The following FHIT variants were observed in gnomAD, a reference collection of about 807,000 sequenced individuals.
FHIT encodes fragile histidine triad diadenosine triphosphatase, also known as bis(5'-adenosyl)-triphosphatase.
FHIT carries 19 observed loss-of-function variants against 17.9 expected under a neutral mutation model. The observed-to-expected ratio is 1.06, with a 90% CI of 0.74 to 1.56. The LOEUF (loss-of-function observed/expected upper bound fraction) is 1.56. Among genes scored for constraint, FHIT ranks in the 40% most tolerant of loss-of-function variants. The pLI, the probability that FHIT is intolerant of heterozygous loss-of-function variation, is 0.00. For missense variants in FHIT, 248 were observed against 189.2 expected, an observed-to-expected ratio of 1.31 and a Z score of -1.82; for synonymous variants, 81 against 69.7, an observed-to-expected ratio of 1.16 and a Z score of -0.81.
At chr3:60,298,072 T>G (rs1196503681) in intron 5 of FHIT, among the ~76,000 whole-genome samples, 3 of 151,532 alleles carry the variant, frequency 2.0e-5, no homozygotes, top group African/African-American at 7.3e-5. Flanking sequence ...TGGGAAGGAG[T>G]GTAGACCTTC....
intron 1 of FHIT, among the ~76,000 whole-genome samples, chr3:61,214,319 G>A (rs999429502): frequency 1.2e-4 from 18 of 152,170 alleles, no homozygotes; most frequent in Admixed American, 1.2e-3. Flanking sequence ...AAATGATAAA[G>A]GGGATATCAC....
chr3:60,348,452 T>C (rs555144094), intron 5 of FHIT, among the ~76,000 whole-genome samples: 3 of 151,808 alleles, frequency 2.0e-5, no homozygotes, highest in Non-Finnish European at 4.4e-5. Flanking sequence ...GGTTTTTTTT[T>C]CACAAAGAAA....
chr3:60,623,788 G>A (rs1337751111), intron 4 of FHIT, among the ~76,000 whole-genome samples: 4 of 152,116 alleles, frequency 2.6e-5, no homozygotes, highest in African/African-American at 7.2e-5. Context: ...GGAACACACC[G>A]GTTAACCATC....
intron 3 of FHIT, among the ~76,000 whole-genome samples, chr3:60,938,524 G>A (rs1553773679): frequency 1.3e-5 from 2 of 152,180 alleles, no homozygotes; most frequent in Non-Finnish European, 2.9e-5. Flanking sequence ...ATGTCAGAAA[G>A]ACCAATACAT....
chr3:60,607,937 A>T (rs1302712822), intron 4 of FHIT, among the ~76,000 whole-genome samples: 2 of 152,088 alleles, frequency 1.3e-5, no homozygotes, highest in African/African-American at 4.8e-5. Flanking sequence ...CTTACCTAAT[A>T]CTCAAGCCCC....
chr3:60,654,592 A>AG (rs1559617087), intron 4 of FHIT, among the ~76,000 whole-genome samples: 1 of 152,210 alleles, frequency 6.6e-6, no homozygotes, highest in Non-Finnish European at 1.5e-5. Context: ...TAACTTTATA[A>AG]GAAAAACTTG....
At chr3:60,744,030 G>C (rs1280818488) in intron 4 of FHIT, among the ~76,000 whole-genome samples, 1 of 151,976 alleles carries the variant, frequency 6.6e-6, no homozygotes, top group African/African-American at 2.4e-5. Flanking sequence ...TCTGCCCCCA[G>C]GGGTCAGAAC....
At chr3:60,071,098 C>T (rs745864377) in intron 5 of FHIT, among the ~76,000 whole-genome samples, 5 of 152,166 alleles carry the variant, frequency 3.3e-5, no homozygotes, top group Non-Finnish European at 4.4e-5. Context: ...GCACTGTCTT[C>T]CTTGCTTGCC....
chr3:60,970,994 TA>T (rs1480104077), intron 3 of FHIT, among the ~76,000 whole-genome samples: 8 of 152,364 alleles, frequency 5.3e-5, no homozygotes, highest in Admixed American at 3.9e-4. Context: ...TTCTTATGAC[TA>T]TTTCTGTATG....
chr3:59,822,239 A>C (rs1700819074), intron 8 of FHIT, among the ~76,000 whole-genome samples: 1 of 152,164 alleles, frequency 6.6e-6, no homozygotes, highest in African/African-American at 2.4e-5. Context: ...GCAATTGTGA[A>C]TTGTGCTGCT....
chr3:60,383,885 G>C (rs1474365977), intron 5 of FHIT, among the ~76,000 whole-genome samples: 1 of 152,110 alleles, frequency 6.6e-6, no homozygotes, highest in East Asian at 1.9e-4. Flanking sequence ...TGTCAAAAAA[G>C]ACATATTAAT....
chr3:61,159,731 T>C (rs2037633725), intron 2 of FHIT, among the ~76,000 whole-genome samples: 1 of 152,230 alleles, frequency 6.6e-6, no homozygotes, highest in Non-Finnish European at 1.5e-5. Flanking sequence ...TTTTGGTTTG[T>C]TTGTTTTGAC....
chr3:60,022,386 T>G (rs913025833), intron 5 of FHIT, among the ~76,000 whole-genome samples: 1 of 152,178 alleles, frequency 6.6e-6, no homozygotes, highest in Non-Finnish European at 1.5e-5. Context: ...ACCCTTGCAG[T>G]TGGGTGAAGC....
chr3:60,927,088 G>A (rs1553770179), intron 3 of FHIT, among the ~76,000 whole-genome samples: 1 of 152,120 alleles, frequency 6.6e-6, no homozygotes, highest in Admixed American at 6.5e-5. Flanking sequence ...TCGGCTCACT[G>A]CAACCTCCCT....
intron 3 of FHIT, among the ~76,000 whole-genome samples, chr3:60,938,547 T>A (rs1427363836): frequency 1.3e-4 from 20 of 152,308 alleles, no homozygotes; most frequent in African/African-American, 4.3e-4. Context: ...ATTCCCTTCC[T>A]GTAAATGTCT....
Position 60,860,772 on chromosome 3 carries a change from A to T in FHIT, c.-110-38761T>A, listed in dbSNP as rs1575608917. On this transcript the variant is annotated intron_variant, in intron 3 of 9. Transcript: ENST00000492590. ...TATCAGGTATATATGATACATATGTATCATATATCAGGTATATATGATACA... is the reference window on the plus strand; with the variant it reads ...TATCAGGTATATATGATACATATGTTTCATATATCAGGTATATATGATACA... Among the ~76,000 whole-genome samples the T allele has an allele frequency of 1.4e-3, 2 of 1,472 alleles. 1 individual carries two copies. The highest frequency in any genetic ancestry group is 0.01 in the Non-Finnish European group (2 of 194). The allele number at this position is 1,472 out of a possible 152,430, so 1.0% of individuals were successfully genotyped here. A position where few individuals can be genotyped will look rare whatever the true frequency, so the allele number is the denominator to read the frequency against.
At chr3:61,189,010 T>C (rs1341522421) in intron 2 of FHIT, among the ~76,000 whole-genome samples, 1 of 152,084 alleles carries the variant, frequency 6.6e-6, no homozygotes, top group Non-Finnish European at 1.5e-5. Context: ...GCATTCCCTT[T>C]GAAAACTGGC....
chr3:60,594,543 T>C (rs2038197804), intron 4 of FHIT, among the ~76,000 whole-genome samples: 1 of 152,106 alleles, frequency 6.6e-6, no homozygotes, highest in African/African-American at 2.4e-5. Flanking sequence ...ATCTGGCTTC[T>C]AGGTTAGCCA....
intron 5 of FHIT, among the ~76,000 whole-genome samples, chr3:60,168,750 G>A (rs539560917): frequency 4.3e-4 from 65 of 152,284 alleles, no homozygotes; most frequent in African/African-American, 1.5e-3. Flanking sequence ...CCTGTAACTT[G>A]TCAATGGCAC....
Sources: gnomAD v4.1 joint callset for allele counts (sites outside exome capture counted in the v4.1 genomes callset) on GRCh38, gnomAD v4.1.1 for gene constraint, MANE v1.5 for transcripts, NCBI Gene and HGNC (gene_info 2026-07-23, HGNC 2026-07-21) for gene names.